The following BABAM2 variants were observed in gnomAD, a reference collection of about 807,000 sequenced individuals.
BABAM2 encodes the protein BRISC and BRCA1 A complex member 2, also known as BRISC and BRCA1-A complex member 2.
In BABAM2, 31 loss-of-function variants were observed where a neutral mutation model predicts 54.7. That is an observed-to-expected ratio of 0.57 (90% CI 0.43 to 0.77). BABAM2 has a LOEUF of 0.77. Ranked by LOEUF, BABAM2 falls within the 30% of genes least tolerant of loss-of-function variation. The pLI, the probability that BABAM2 is intolerant of heterozygous loss-of-function variation, is 0.00. For synonymous variants in BABAM2, 167 were observed against 162.9 expected (o/e 1.03, Z -0.19); for missense variants, 364 against 455.8 (o/e 0.80, Z 1.83).
chr2:28,285,453 T>C (rs1004156062), intron 10 of BABAM2, among the ~76,000 whole-genome samples: 1 of 152,200 alleles, frequency 6.6e-6, no homozygotes, highest in East Asian at 1.9e-4. Flanking sequence ...CTGCACGGTA[T>C]AAGTCCAGCA....
At chr2:28,213,112 A>C (rs1304820177) in intron 7 of BABAM2, among the ~76,000 whole-genome samples, 1 of 152,132 alleles carries the variant, frequency 6.6e-6, no homozygotes, top group Admixed American at 6.6e-5. Context: ...CTGTGGTCCC[A>C]GCTATTCAGG....
In BABAM2 at chr2:28,198,551, A is replaced by G. The variant is rs1677886484; in HGVS notation, c.681-38651A>G. ...CATCAACCAAAGAGTGTTCTTTAGC[A>G]TCATCTTCAATTGTTGGTACCTGAG... On this transcript the variant is annotated intron_variant, in intron 7 of 11. Coordinates refer to ENST00000379624, the MANE Select transcript of BABAM2 (RefSeq NM_199191.3). Among the ~76,000 whole-genome samples, 3 of 152,130 alleles carry G rather than the reference A, an allele frequency of 2.0e-5. No individual in the cohort carries two copies. The South Asian group carries it at 6.2e-4, about 32-fold the overall frequency.
chr2:27,978,196 C>G (rs573166743), intron 3 of BABAM2, among the ~76,000 whole-genome samples: 24 of 152,216 alleles, frequency 1.6e-4, no homozygotes, highest in Admixed American at 6.5e-4. Flanking sequence ...AGTTCTTGCT[C>G]TGACTTCATG....
At chr2:28,129,435 C>T in intron 7 of BABAM2, 55 bp downstream of exon 7, 1 of 1,405,894 alleles carries the variant, frequency 7.1e-7, no homozygotes, top group Non-Finnish European at 1.0e-6. Flanking sequence ...ACCAATATGT[C>T]TCATTCTTTC....
chr2:28,064,284 A>C (rs572247722), intron 6 of BABAM2, among the ~76,000 whole-genome samples: 5 of 152,340 alleles, frequency 3.3e-5, no homozygotes, highest in East Asian at 1.9e-4. Context: ...TCTGCAGGCT[A>C]TCTTGTAAAA....
chr2:27,961,398 A>G (rs1461236753), intron 3 of BABAM2, among the ~76,000 whole-genome samples: 1 of 152,220 alleles, frequency 6.6e-6, no homozygotes, highest in Non-Finnish European at 1.5e-5. Flanking sequence ...ATAGTAGTCA[A>G]TCAATTACAT....
chr2:28,006,811 CT>C (rs1674009989), intron 4 of BABAM2, among the ~76,000 whole-genome samples: 1 of 151,876 alleles, frequency 6.6e-6, no homozygotes. Flanking sequence ...TCTGTAACCT[CT>C]GTATACGATA....
At chr2:28,231,447 G>C (rs894712381) in intron 7 of BABAM2, among the ~76,000 whole-genome samples, 1 of 152,162 alleles carries the variant, frequency 6.6e-6, no homozygotes. Context: ...TTGGATTGAA[G>C]GCAGCACACA....
At position 28,229,324 on chromosome 2, in the gene BABAM2, G is replaced by A. The variant is rs75628579; in HGVS notation, c.681-7878G>A. Among the ~76,000 whole-genome samples the A allele has an allele frequency of 2.7e-3, 409 of 152,242 alleles. 1 individual carries two copies. Among genetic ancestry groups the A allele is most frequent in the African/African-American group, 9.3e-3 (387 of 41,540 alleles). ...GTTCTATAGCTTCTCTGAAGTTCCC[G>A]TGCTCTCATCTGTAAGATGGGATAA... On this transcript the variant is annotated intron_variant, in intron 7 of 11. Transcript: ENST00000379624.
rs539860307 is a variant in BABAM2 at position 28,176,438 on chromosome 2, C to T, written c.680+47058C>T. On this transcript the variant is annotated intron_variant, in intron 7 of 11. Coordinates refer to ENST00000379624, the MANE Select transcript of BABAM2 (RefSeq NM_199191.3). ...TACAAAAATTAGCTGAGCATGGTGG[C>T]GCACACCTGTAGTCCCAGCTACTTG... Among the ~76,000 whole-genome samples the T allele has an allele frequency of 1.1e-4, 17 of 151,190 alleles. No individual in the cohort carries two copies. The East Asian group carries it at 1.8e-3, about 16-fold the overall frequency.
At chr2:28,016,866 A>G (rs758799604) in intron 4 of BABAM2, among the ~76,000 whole-genome samples, 1 of 152,232 alleles carries the variant, frequency 6.6e-6, no homozygotes, top group African/African-American at 2.4e-5. Context: ...AAATTTATCA[A>G]GAACAAAATC....
intron 2 of BABAM2, among the ~76,000 whole-genome samples, chr2:27,906,873 AT>A (rs2148293078): frequency 6.6e-6 from 1 of 152,190 alleles, no homozygotes; most frequent in Non-Finnish European, 1.5e-5. Flanking sequence ...TTTAGATAGT[AT>A]TTTTGGATTA....
chr2:28,301,866 T>G (rs942558673), intron 11 of BABAM2, among the ~76,000 whole-genome samples: 1 of 152,218 alleles, frequency 6.6e-6, no homozygotes, highest in African/African-American at 2.4e-5. Flanking sequence ...ATATATATCT[T>G]TTTTTAAAAT....
chr2:28,055,977 A>C (rs1253270367), intron 6 of BABAM2, among the ~76,000 whole-genome samples: 1 of 152,248 alleles, frequency 6.6e-6, no homozygotes, highest in Non-Finnish European at 1.5e-5. Context: ...TGCTAAGTGG[A>C]ATAAGCCAGA....
intron 7 of BABAM2, among the ~76,000 whole-genome samples, chr2:28,173,136 C>A (rs1480803574): frequency 6.6e-6 from 1 of 152,136 alleles, no homozygotes; most frequent in Non-Finnish European, 1.5e-5. Flanking sequence ...TAAATATTAT[C>A]ACACTGAGGA....
chr2:28,118,743 A>G (rs1035767479), intron 6 of BABAM2, among the ~76,000 whole-genome samples: 4 of 151,570 alleles, frequency 2.6e-5, no homozygotes, highest in African/African-American at 9.7e-5. Context: ...CCATTTGTCA[A>G]TTTTCAATTT....
intron 7 of BABAM2, among the ~76,000 whole-genome samples, chr2:28,214,930 T>C (rs2147997878): frequency 6.6e-6 from 1 of 152,216 alleles, no homozygotes; most frequent in South Asian, 2.1e-4. Context: ...TTAAATATGA[T>C]AAAAGGAGAA....
intron 2 of BABAM2, among the ~76,000 whole-genome samples, chr2:27,912,706 A>G (rs1485416493): frequency 1.3e-5 from 2 of 152,208 alleles, no homozygotes; most frequent in African/African-American, 4.8e-5. Context: ...GCCAGCAGTC[A>G]TGTTGCAAGA....
chr2:28,093,312 T>C (rs1282752007), intron 6 of BABAM2, among the ~76,000 whole-genome samples: 2 of 152,186 alleles, frequency 1.3e-5, no homozygotes, highest in Admixed American at 6.6e-5. Context: ...AAGGAAAGGC[T>C]CAGGGGAGGC....
Sources: allele counts gnomAD v4.1 joint callset (sites outside exome capture counted in the v4.1 genomes callset), GRCh38; gene constraint gnomAD v4.1.1; transcripts MANE v1.5; gene names NCBI Gene and HGNC (gene_info 2026-07-23, HGNC 2026-07-21).